ACYP2: variants seen among roughly 807,000 people sequenced by gnomAD.
ACYP2 encodes the protein acylphosphatase 2, also known as acylphosphatase-2.
Under a neutral mutation model 11.2 loss-of-function variants are expected in ACYP2, and 12 were observed. The ratio of observed to expected loss-of-function variants is 1.08; its 90% CI spans 0.69 to 1.74. ACYP2 has a LOEUF of 1.74. ACYP2 is among the 40% of genes most tolerant of loss of function. The probability of loss-of-function intolerance (pLI) is 0.00; values close to 1 mark genes in which losing one functional copy is unlikely to be tolerated. For missense variants in ACYP2, 134 were observed against 101.9 expected (o/e 1.31, Z -1.35); for synonymous variants, 43 against 32.2 (o/e 1.33, Z -1.13).
At chr2:54,011,431 C>T (rs1673368033) in intron 2 of ACYP2, among the ~76,000 whole-genome samples, 1 of 152,128 alleles carries the variant, frequency 6.6e-6, no homozygotes, top group Non-Finnish European at 1.5e-5. Context: ...TGCTTCCATT[C>T]TTAGATTTGT....
At chr2:53,979,134 T>G (rs1358290381) in intron 2 of ACYP2, among the ~76,000 whole-genome samples, 1 of 151,982 alleles carries the variant, frequency 6.6e-6, no homozygotes, top group African/African-American at 2.4e-5. Flanking sequence ...ATTATTATTA[T>G]AGAAGATGAA....
chr2:54,027,152 C>T (rs1240926945), intron 2 of ACYP2, among the ~76,000 whole-genome samples: 3 of 152,170 alleles, frequency 2.0e-5, no homozygotes, highest in African/African-American at 4.8e-5. Flanking sequence ...GGGCTCAGAA[C>T]ATAATGTCCA....
Position 54,191,172 on chromosome 2 carries a change from A to C in ACYP2, c.404+52424A>C, listed in dbSNP as rs182108446. On this transcript the variant is annotated intron_variant, in intron 6 of 6. Coordinates refer to ENST00000607452, the MANE Select transcript of ACYP2 (RefSeq NM_001320586.2). Reference sequence around the variant, plus strand: ...GTGCCCCCAACAGTCTTTTCTCTGCACAACAGCCACCCTAACCCCCTTTCA... The same window carrying C: ...GTGCCCCCAACAGTCTTTTCTCTGCCCAACAGCCACCCTAACCCCCTTTCA... Among the ~76,000 whole-genome samples, 3 of 151,894 alleles carry C rather than the reference A, an allele frequency of 2.0e-5. No homozygotes were observed. In the East Asian group the frequency reaches 5.8e-4, roughly 29 times the overall value.
chr2:54,252,063 G>A (rs765070495), intron 6 of ACYP2, among the ~76,000 whole-genome samples: 2 of 152,154 alleles, frequency 1.3e-5, no homozygotes, highest in African/African-American at 2.4e-5. Context: ...TGCAAGGAGC[G>A]TAAATCTCAG....
chr2:54,220,972 G>T (rs1685774840), intron 6 of ACYP2, among the ~76,000 whole-genome samples: 1 of 152,204 alleles, frequency 6.6e-6, no homozygotes, highest in Non-Finnish European at 1.5e-5. Context: ...TCCCACTGAT[G>T]TTGGGTTTGG....
At chr2:54,223,135 C>A (rs753639605) in intron 6 of ACYP2, 16 of 152,132 alleles carry the variant, frequency 1.1e-4, no homozygotes, top group Non-Finnish European at 2.2e-4. Context: ...TAGTGAGATT[C>A]TCTTGGGAAA....
At chr2:54,280,658 T>A (rs1474163623) in intron 6 of ACYP2, among the ~76,000 whole-genome samples, 4 of 152,160 alleles carry the variant, frequency 2.6e-5, no homozygotes, top group Non-Finnish European at 4.4e-5. Flanking sequence ...TCAAGTAAGA[T>A]GGCAAAACAA....
At chr2:54,218,745 G>A (rs6712502) in intron 6 of ACYP2, among the ~76,000 whole-genome samples, 2,494 of 152,168 alleles carry the variant, frequency 0.016, 62 homozygotes, top group African/African-American at 0.058. Flanking sequence ...TTAACATGTA[G>A]CTTTTGTCCT....
At chr2:54,091,223 T>C (rs971176887) in intron 4 of ACYP2, among the ~76,000 whole-genome samples, 2 of 152,150 alleles carry the variant, frequency 1.3e-5, no homozygotes, top group Admixed American at 1.3e-4. Context: ...ATCTAAACTA[T>C]AACTAAGTTG....
chr2:54,095,657 G>A (rs1210022683), intron 4 of ACYP2, among the ~76,000 whole-genome samples: 6 of 137,158 alleles, frequency 4.4e-5, no homozygotes, highest in Non-Finnish European at 9.4e-5. Flanking sequence ...GGCCGCGCGG[G>A]GGGCTGACCC....
At chr2:54,194,561 A>G (rs1409549178) in intron 6 of ACYP2, among the ~76,000 whole-genome samples, 2 of 152,132 alleles carry the variant, frequency 1.3e-5, no homozygotes, top group Admixed American at 1.3e-4. Context: ...ATGTTATATA[A>G]TAATATATTA....
At chr2:54,005,684 T>G (rs1399269507) in intron 2 of ACYP2, among the ~76,000 whole-genome samples, 1 of 152,190 alleles carries the variant, frequency 6.6e-6, no homozygotes, top group African/African-American at 2.4e-5. Context: ...CCAAGATCAA[T>G]TCATTTATTC....
At chr2:54,224,996 T>C (rs986152620) in intron 6 of ACYP2, among the ~76,000 whole-genome samples, 111 of 152,314 alleles carry the variant, frequency 7.3e-4, no homozygotes, top group African/African-American at 2.1e-3. Flanking sequence ...AAATGAATAA[T>C]CTTCAAATCC....
Position 54,074,396 on chromosome 2 carries a change from G to A in ACYP2, c.277+17036G>A, listed in dbSNP as rs189265787. Among the ~76,000 whole-genome samples the A allele has an allele frequency of 2.6e-3, 393 of 152,130 alleles. 3 individuals carry two copies. The highest frequency in any genetic ancestry group is 4.6e-3 in the Non-Finnish European group (312 of 67,992). ...GAGGATCACATGAGTCCAGGAGTTCGAGACCAACCTGGACAATACAATGAG... is the reference window on the plus strand; with the variant it reads ...GAGGATCACATGAGTCCAGGAGTTCAAGACCAACCTGGACAATACAATGAG... On this transcript the variant is annotated intron_variant, in intron 4 of 6. Transcript: ENST00000607452.
chr2:54,231,893 C>G (rs1686252618), intron 6 of ACYP2, among the ~76,000 whole-genome samples: 1 of 152,220 alleles, frequency 6.6e-6, no homozygotes. Context: ...AAGTGATCTA[C>G]ATATGTTATT....
intron 4 of ACYP2, among the ~76,000 whole-genome samples, chr2:54,090,715 G>A (rs1678181523): frequency 6.6e-6 from 1 of 151,966 alleles, no homozygotes; most frequent in African/African-American, 2.4e-5. Flanking sequence ...TCTTACGCCT[G>A]GACCGCTCTT....
At chr2:54,007,357 G>C (rs1374417162) in intron 2 of ACYP2, among the ~76,000 whole-genome samples, 1 of 150,500 alleles carries the variant, frequency 6.6e-6, no homozygotes, top group East Asian at 2.1e-4. Context: ...GGGTCCAAGT[G>C]ATTCTTCTGC....
chr2:54,121,477 C>T (rs1234844534), intron 4 of ACYP2, among the ~76,000 whole-genome samples: 1 of 152,140 alleles, frequency 6.6e-6, no homozygotes, highest in Non-Finnish European at 1.5e-5. Context: ...TGTCTGTTTC[C>T]TACTGCTATA....
At chr2:54,273,704 G>C (rs1298034711) in intron 6 of ACYP2, among the ~76,000 whole-genome samples, 1 of 152,182 alleles carries the variant, frequency 6.6e-6, no homozygotes, top group African/African-American at 2.4e-5. Flanking sequence ...GACCTCAGGT[G>C]ATTCACCTGC....
Sources: gnomAD v4.1 joint callset for allele counts (sites outside exome capture counted in the v4.1 genomes callset) on GRCh38, gnomAD v4.1.1 for gene constraint, MANE v1.5 for transcripts, NCBI Gene and HGNC (gene_info 2026-07-23, HGNC 2026-07-21) for gene names.